The following COL22A1 variants were observed in gnomAD, a reference collection of about 807,000 sequenced individuals.
COL22A1 encodes the protein collagen type XXII alpha 1 chain, also known as collagen alpha-1(XXII) chain.
Under a neutral mutation model 248.9 loss-of-function variants are expected in COL22A1, and 221 were observed. The ratio of observed to expected loss-of-function variants is 0.89; its 90% CI spans 0.80 to 0.99. The LOEUF (loss-of-function observed/expected upper bound fraction) is 0.99. Ranked by LOEUF, COL22A1 falls within the 50% of genes least tolerant of loss-of-function variation. The pLI is 0.00. For missense variants in COL22A1, 2,240 were observed against 2,179.0 expected, an observed-to-expected ratio of 1.03 and a Z score of -0.56; for synonymous variants, 891 against 793.4, an observed-to-expected ratio of 1.12 and a Z score of -2.07.
intron 3 of COL22A1, among the ~76,000 whole-genome samples, chr8:138,849,010 C>T (rs147206793): frequency 1.8e-4 from 28 of 152,174 alleles, no homozygotes; most frequent in Non-Finnish European, 3.4e-4. Flanking sequence ...GTGGAAGAGG[C>T]GGAGGAGGGA....
chr8:138,687,373 A>G (rs1004322998), intron 37 of COL22A1, among the ~76,000 whole-genome samples: 1 of 152,236 alleles, frequency 6.6e-6, no homozygotes, highest in African/African-American at 2.4e-5. Context: ...CGTGTATCTT[A>G]AAATTGAACC....
chr8:138,700,249 C>T, intron 31 of COL22A1, 105 bp from the exon 32 acceptor site: 2 of 998,558 alleles, frequency 2.0e-6, no homozygotes, highest in Admixed American at 2.1e-5. Context: ...AATACAGCCC[C>T]AAAGCTTCCT....
At chr8:138,881,659 TG>T (rs1252938041) in intron 2 of COL22A1, among the ~76,000 whole-genome samples, 20 of 152,378 alleles carry the variant, frequency 1.3e-4, no homozygotes, top group African/African-American at 4.6e-4. Flanking sequence ...CACTCCAGCC[TG>T]GGCGACAGAG....
intron 25 of COL22A1, 147 bp downstream of exon 25, chr8:138,724,468 G>T: frequency 2.7e-6 from 2 of 727,874 alleles, no homozygotes; most frequent in Non-Finnish European, 4.7e-6. Flanking sequence ...AGAAGACCCA[G>T]CTGAGCTCCG....
chr8:138,599,860 T>C (rs1284697587), intron 60 of COL22A1, among the ~76,000 whole-genome samples: 2 of 152,196 alleles, frequency 1.3e-5, no homozygotes, highest in Admixed American at 6.5e-5. Flanking sequence ...CTATTCTCAA[T>C]CCCAAGAGTG....
intron 3 of COL22A1, among the ~76,000 whole-genome samples, chr8:138,869,648 CAT>C (rs71316368): frequency 0.042 from 6,463 of 152,286 alleles, 187 homozygotes; most frequent in Middle Eastern, 0.092. Flanking sequence ...GTAATTTTCA[CAT>C]AAAATTTCAC....
At chr8:138,770,319 T>C (rs1488852674) in intron 16 of COL22A1, among the ~76,000 whole-genome samples, 1 of 152,158 alleles carries the variant, frequency 6.6e-6, no homozygotes, top group East Asian at 1.9e-4. Flanking sequence ...TCTCTGTGCC[T>C]GGCTGGATTC....
intron 10 of COL22A1, among the ~76,000 whole-genome samples, chr8:138,803,676 T>C (rs1266413297): frequency 3.3e-5 from 5 of 152,140 alleles, no homozygotes; most frequent in Non-Finnish European, 5.9e-5. Flanking sequence ...AAAAACTGTG[T>C]CTGCAAGGGA....
intron 1 of COL22A1, among the ~76,000 whole-genome samples, chr8:138,897,808 A>G (rs1295966155): frequency 6.6e-6 from 1 of 152,164 alleles, no homozygotes; most frequent in African/African-American, 2.4e-5. Flanking sequence ...CAGAAAAAAA[A>G]AAACGGCTGA....
intron 50 of COL22A1, among the ~76,000 whole-genome samples, chr8:138,629,443 T>G (rs1035271877): frequency 6.6e-6 from 1 of 152,220 alleles, no homozygotes; most frequent in East Asian, 1.9e-4. Context: ...CATGAGCCAC[T>G]GTGCCCGGCC....
At chr8:138,774,468 G>C (rs1814218630) in intron 16 of COL22A1, among the ~76,000 whole-genome samples, 1 of 149,162 alleles carries the variant, frequency 6.7e-6, no homozygotes, top group Non-Finnish European at 1.5e-5. Context: ...GCTCAGGCTG[G>C]AGTGCAGATG....
At chr8:138,834,414 T>C (rs1344503554) in intron 4 of COL22A1, among the ~76,000 whole-genome samples, 1 of 152,142 alleles carries the variant, frequency 6.6e-6, no homozygotes, top group Non-Finnish European at 1.5e-5. Context: ...TAGCCTCTTT[T>C]ACCACTAAAT....
chr8:138,595,488 C>T (rs925215895), intron 62 of COL22A1, among the ~76,000 whole-genome samples: 2 of 152,136 alleles, frequency 1.3e-5, no homozygotes, highest in African/African-American at 4.8e-5. Flanking sequence ...CAGAGATCTA[C>T]ACACATGAGA....
chr8:138,639,067 C>G (rs1821443941), intron 47 of COL22A1, among the ~76,000 whole-genome samples: 1 of 152,190 alleles, frequency 6.6e-6, no homozygotes, highest in Admixed American at 6.5e-5. Flanking sequence ...CACATGATAT[C>G]CCATTACATA....
intron 3 of COL22A1, among the ~76,000 whole-genome samples, chr8:138,875,623 T>C (rs1823657640): frequency 6.6e-6 from 1 of 152,154 alleles, no homozygotes; most frequent in African/African-American, 2.4e-5. Flanking sequence ...AGATTTCTGA[T>C]TGATCCAGTG....
intron 50 of COL22A1, among the ~76,000 whole-genome samples, chr8:138,628,157 C>T (rs953320252): frequency 9.9e-5 from 15 of 152,156 alleles, no homozygotes; most frequent in African/African-American, 2.4e-5. Context: ...CCATTCATTA[C>T]CAAAAATCAA....
At chr8:138,660,973 CAT>C (rs1453803416) in intron 43 of COL22A1, among the ~76,000 whole-genome samples, 9 of 65,976 alleles carry the variant, frequency 1.4e-4, no homozygotes, top group East Asian at 4.0e-4. Flanking sequence ...CGCACACACA[CAT>C]ACACACACAC....
chr8:138,865,594 T>C (rs1439906922), intron 3 of COL22A1, among the ~76,000 whole-genome samples: 4 of 151,802 alleles, frequency 2.6e-5, no homozygotes, highest in Non-Finnish European at 5.9e-5. Context: ...TGAGTGTATG[T>C]GTGTGTATGT....
intron 41 of COL22A1, among the ~76,000 whole-genome samples, chr8:138,676,112 C>T (rs1346540243): frequency 2.6e-5 from 4 of 151,964 alleles, no homozygotes; most frequent in African/African-American, 9.7e-5. Context: ...GTGAATTATT[C>T]ATTAGAACTA....
Sources: gnomAD v4.1 joint callset for allele counts (sites outside exome capture counted in the v4.1 genomes callset) on GRCh38, gnomAD v4.1.1 for gene constraint, MANE v1.5 for transcripts, NCBI Gene and HGNC (gene_info 2026-07-23, HGNC 2026-07-21) for gene names.